Variants in RECK observed in about 807,000 individuals in gnomAD.
RECK encodes the protein reversion-inducing cysteine-rich protein with Kazal motifs.
Under a neutral mutation model 115.1 loss-of-function variants are expected in RECK, and 69 were observed. That is an observed-to-expected ratio of 0.60 (90% CI 0.49 to 0.73). RECK has a LOEUF of 0.73. Among genes scored for constraint, RECK ranks in the 30% least tolerant of loss-of-function variants. The pLI, the probability that RECK is intolerant of heterozygous loss-of-function variation, is 0.00. For missense variants in RECK, 1,047 were observed against 1,203.7 expected, an observed-to-expected ratio of 0.87 and a Z score of 1.93; for synonymous variants, 414 against 419.7, an observed-to-expected ratio of 0.99 and a Z score of 0.17.
chr9:36,079,389 T>G (rs1227976403), intron 6 of RECK, among the ~76,000 whole-genome samples: 1 of 152,176 alleles, frequency 6.6e-6, no homozygotes, highest in Non-Finnish European at 1.5e-5. Flanking sequence ...TTCACTCCTG[T>G]TATATTGCTT....
At chr9:36,111,655 A>G (rs1211389908) in intron 15 of RECK, among the ~76,000 whole-genome samples, 3 of 152,076 alleles carry the variant, frequency 2.0e-5, no homozygotes, top group African/African-American at 7.2e-5. Context: ...CAGCCTCTCA[A>G]AGTGCTGGGA....
intron 1 of RECK, among the ~76,000 whole-genome samples, chr9:36,047,703 T>C (rs941543335): frequency 6.6e-6 from 1 of 152,020 alleles, no homozygotes; most frequent in African/African-American, 2.4e-5. Flanking sequence ...TTTTTTTTCT[T>C]CTGAAATGTA....
At position 36,036,976 on chromosome 9, in the gene RECK, C is replaced by T. The variant is rs147477093; in HGVS notation, c.-23C>T. The T allele has an allele frequency of 3.3e-3, 4,670 of 1,405,410 alleles. 142 individuals are homozygous for T. In the African/African-American group the frequency reaches 0.063, roughly 19 times the overall value. 87.1% of individuals were successfully genotyped at this position (1,405,410 alleles called of 1,614,324 possible). A position where few individuals can be genotyped will look rare whatever the true frequency, so the allele number is the denominator to read the frequency against. On this transcript the variant is annotated 5_prime_UTR_variant, in exon 1 of 21. Transcript: ENST00000377966. ...CAAGCTGGGTCCGAGCATCCCGCGGCTCTGGAGCCGCCCGGCCCGGACATG... is the reference window on the plus strand; with the variant it reads ...CAAGCTGGGTCCGAGCATCCCGCGGTTCTGGAGCCGCCCGGCCCGGACATG...
intron 9 of RECK, 66 bp downstream of exon 9, chr9:36,088,027 C>G: frequency 8.3e-7 from 1 of 1,210,414 alleles, no homozygotes; most frequent in Non-Finnish European, 1.2e-6. Context: ...GATTTTAAGC[C>G]TAGCAAACGT....
chr9:36,039,065 A>T (rs1387662582), intron 1 of RECK, among the ~76,000 whole-genome samples: 1 of 152,178 alleles, frequency 6.6e-6, no homozygotes, highest in Non-Finnish European at 1.5e-5. Flanking sequence ...TTTCTTCATA[A>T]CACCTAAAGC....
intron 6 of RECK, among the ~76,000 whole-genome samples, chr9:36,080,285 A>G (rs1822634879): frequency 6.6e-6 from 1 of 152,194 alleles, no homozygotes; most frequent in African/African-American, 2.4e-5. Flanking sequence ...TTTTCTGGAA[A>G]GTTTTTATAT....
At chr9:36,038,017 A>T (rs550148092) in intron 1 of RECK, among the ~76,000 whole-genome samples, 1 of 151,424 alleles carries the variant, frequency 6.6e-6, no homozygotes, top group East Asian at 1.9e-4. Flanking sequence ...AAAAAAAAAA[A>T]AAAAGCAAAG....
At position 36,123,062 on chromosome 9, in the gene RECK, C is replaced by A. The variant is rs772855938; in HGVS notation, c.*17C>A. 2.1e-5 allele frequency: 34 copies of A among 1,589,552 alleles called. No individual in the cohort carries two copies. Among genetic ancestry groups the A allele is most frequent in the Non-Finnish European group, 2.8e-5 (32 of 1,160,130 alleles). ...TATAACTGACTGCCCACGGAAAGTG[C>A]AGAATGCTCCTCCACCTCACTCTCC... is the stretch of plus-strand genomic sequence containing the variant. On this transcript the variant is annotated 3_prime_UTR_variant, in exon 21 of 21. Coordinates refer to ENST00000377966, the MANE Select transcript of RECK (RefSeq NM_021111.3).
chr9:36,047,643 T>C (rs1437355979), intron 1 of RECK, among the ~76,000 whole-genome samples: 1 of 152,132 alleles, frequency 6.6e-6, no homozygotes, highest in Non-Finnish European at 1.5e-5. Context: ...TCCTCCCTTG[T>C]GTTAGCCCTT....
chr9:36,104,276 A>ATGTGTG (rs200067838), intron 12 of RECK, among the ~76,000 whole-genome samples: 185 of 61,998 alleles, frequency 3.0e-3, no homozygotes, highest in Non-Finnish European at 3.9e-3. Context: ...CATACATAGC[A>ATGTGTG]TGTGTGTGTG....
intron 4 of RECK, 89 bp from the exon 5 acceptor site, chr9:36,063,706 G>A: frequency 8.2e-7 from 1 of 1,219,314 alleles, no homozygotes; most frequent in Non-Finnish European, 1.2e-6. Flanking sequence ...CAGCTGCTTT[G>A]ACTTTTAGTA....
intron 1 of RECK, among the ~76,000 whole-genome samples, 159 bp downstream of exon 1, chr9:36,037,257 G>A (rs147433010): frequency 6.6e-6 from 1 of 151,648 alleles, no homozygotes; most frequent in Non-Finnish European, 1.5e-5. Flanking sequence ...AGAGGCTGGT[G>A]CCGAGGCGGG....
At position 36,038,102 on chromosome 9, in the gene RECK, C is replaced by T. The variant is rs553411320; in HGVS notation, c.100+1004C>T. Among the ~76,000 whole-genome samples, 15 of 151,660 alleles carry T rather than the reference C, an allele frequency of 9.9e-5. No individual in the cohort carries two copies. In the South Asian group the frequency reaches 2.9e-3, roughly 30 times the overall value. On this transcript the variant is annotated intron_variant, in intron 1 of 20. Coordinates refer to ENST00000377966, the MANE Select transcript of RECK (RefSeq NM_021111.3). ...TGGAGGCGGGCGGATCCCTTGAGCC[C>T]AGGAGTTCGAGGCCATCCTGCTTAA... is the stretch of plus-strand genomic sequence containing the variant.
At chr9:36,119,105 C>A in intron 18 of RECK, 138 bp downstream of exon 18, 1 of 850,820 alleles carries the variant, frequency 1.2e-6, no homozygotes, top group Non-Finnish European at 1.8e-6. Flanking sequence ...TGATCATACT[C>A]ACTACTTTGG....
At chr9:36,099,224 TCAA>T (rs60403523) in intron 10 of RECK, among the ~76,000 whole-genome samples, 16,929 of 146,794 alleles carry the variant, frequency 0.12, 1,124 homozygotes, top group East Asian at 0.29. Context: ...AGAACCTGTC[TCAA>T]CAACAACAAC....
At position 36,083,347 on chromosome 9, in the gene RECK, C is replaced by G; in HGVS notation, c.440-18C>G. ...AAAGCTGTTTCCATGTCAGTGCCTT[C>G]TCTTTTTTTCTCCATAGTGGGCTCG... On this transcript the variant is annotated intron_variant, in intron 7 of 20. Coordinates refer to ENST00000377966, the MANE Select transcript of RECK (RefSeq NM_021111.3). 2 of 1,610,846 alleles carry G rather than the reference C, an allele frequency of 1.2e-6. No individual in the cohort carries two copies. Among genetic ancestry groups the G allele is most frequent in the Non-Finnish European group, 1.7e-6 (2 of 1,178,086 alleles).
At chr9:36,066,227 G>A (rs1252200866) in intron 6 of RECK, among the ~76,000 whole-genome samples, 3 of 152,090 alleles carry the variant, frequency 2.0e-5, no homozygotes, top group African/African-American at 2.4e-5. Flanking sequence ...ACAAATATGT[G>A]CAGAAGATTG....
In RECK at chr9:36,091,356, A is replaced by G. The variant is rs1319134718; in HGVS notation, c.1085+13A>G. The G allele has an allele frequency of 2.8e-6, 4 of 1,434,660 alleles. No homozygotes were observed. In the Admixed American group the frequency reaches 1.0e-4, roughly 36 times the overall value. 88.9% of individuals were successfully genotyped at this position (1,434,660 alleles called of 1,614,324 possible). ...ATTTTAACAACAGGTAAGACAAATT[A>G]TTATACATGGAATGGAAATATTTTA... is the stretch of plus-strand genomic sequence containing the variant. On this transcript the variant is annotated intron_variant, in intron 10 of 20. Coordinates refer to ENST00000377966, the MANE Select transcript of RECK (RefSeq NM_021111.3).
intron 6 of RECK, chr9:36,066,755 T>C: frequency 7.9e-7 from 1 of 1,267,018 alleles, no homozygotes; most frequent in Admixed American, 2.4e-5. Flanking sequence ...TCTGACACTG[T>C]CCATCTTCCA....
Sources: gnomAD v4.1 joint callset for allele counts (sites outside exome capture counted in the v4.1 genomes callset) on GRCh38, gnomAD v4.1.1 for gene constraint, MANE v1.5 for transcripts, NCBI Gene and HGNC (gene_info 2026-07-23, HGNC 2026-07-21) for gene names.